Variants in ACTR3 observed in about 807,000 individuals in gnomAD.
ACTR3 encodes actin related protein 3, also known as actin-related protein 3.
A neutral mutation model predicts 56.8 loss-of-function variants in ACTR3; 12 were observed. The observed-to-expected ratio is 0.21, with a 90% CI of 0.14 to 0.34. The LOEUF (loss-of-function observed/expected upper bound fraction) is 0.34. Ranked by LOEUF, ACTR3 falls within the 10% of genes least tolerant of loss-of-function variation. The pLI, the probability that ACTR3 is intolerant of heterozygous loss-of-function variation, is 1.00. For synonymous variants in ACTR3, 162 were observed against 167.4 expected (o/e 0.97, Z 0.25); for missense variants, 282 against 512.5 (o/e 0.55, Z 4.34).
rs576426053 is a variant in ACTR3 at position 113,916,587 on chromosome 2, C to T, written c.101-297C>T. ...TGGATTTGGTGGGATTACAGTTTTACTGAGAATCAAAGGAGGATTTATATA... is the reference window on the plus strand; with the variant it reads ...TGGATTTGGTGGGATTACAGTTTTATTGAGAATCAAAGGAGGATTTATATA... On this transcript the variant is annotated intron_variant, in intron 2 of 11. Coordinates refer to ENST00000263238, the MANE Select transcript of ACTR3 (RefSeq NM_005721.5). 7.2e-5 allele frequency among the ~76,000 whole-genome samples: 11 copies of T among 152,098 alleles called. No homozygotes were observed. The South Asian group carries it at 1.5e-3, about 20-fold the overall frequency.
chr2:113,940,748 C>T (rs1480742801), intron 7 of ACTR3, among the ~76,000 whole-genome samples: 1 of 145,288 alleles, frequency 6.9e-6, no homozygotes, highest in Non-Finnish European at 1.5e-5. Context: ...ACTTACTTGT[C>T]TCTGTTTCCA....
At chr2:113,909,649 T>G (rs1490217306) in intron 1 of ACTR3, among the ~76,000 whole-genome samples, 2 of 149,234 alleles carry the variant, frequency 1.3e-5, no homozygotes, top group East Asian at 3.9e-4. Context: ...GGGTGCAGTG[T>G]GAGCGTAGAT....
chr2:113,942,555 T>G (rs1017654150), intron 8 of ACTR3, among the ~76,000 whole-genome samples, 196 bp downstream of exon 8: 1 of 152,154 alleles, frequency 6.6e-6, no homozygotes, highest in African/African-American at 2.4e-5. Flanking sequence ...TTGTTGCTAT[T>G]TTTTGCAGAT....
At chr2:113,902,879 A>T (rs1469903168) in intron 1 of ACTR3, among the ~76,000 whole-genome samples, 5 of 152,162 alleles carry the variant, frequency 3.3e-5, no homozygotes, top group Non-Finnish European at 4.4e-5. Flanking sequence ...GATTACAGGG[A>T]TGAGCCACTG....
In ACTR3 at chr2:113,962,484, A is replaced by T. The variant is rs1395717746; in HGVS notation, c.*5029A>T. 6.6e-6 allele frequency: 1 copy of T among 152,006 alleles called. No individual in the cohort carries two copies. The highest frequency in any genetic ancestry group is 6.6e-5 in the Admixed American group (1 of 15,236). 9.4% of individuals were successfully genotyped at this position (152,006 alleles called of 1,614,324 possible). On this transcript the variant is annotated 3_prime_UTR_variant, in exon 12 of 12. Coordinates refer to ENST00000263238, the MANE Select transcript of ACTR3 (RefSeq NM_005721.5). ...TTAATTCTAAACTTCCTCCATTTTTAATTAATAAGATTCAAGGTTGCAGTA... is the reference window on the plus strand; with the variant it reads ...TTAATTCTAAACTTCCTCCATTTTTTATTAATAAGATTCAAGGTTGCAGTA...
chr2:113,890,646 G>A, intron 1 of ACTR3: 1 of 1,252,826 alleles, frequency 8.0e-7, no homozygotes. Flanking sequence ...GGTCGTCTTG[G>A]GGGTGGTCCC....
rs551545424 is a variant in ACTR3 at position 113,915,342 on chromosome 2, C to T, written c.101-1542C>T. Among the ~76,000 whole-genome samples, 8 of 152,182 alleles carry T rather than the reference C, an allele frequency of 5.3e-5. No individual in the cohort carries two copies. In the East Asian group the frequency reaches 5.8e-4, roughly 11 times the overall value. On this transcript the variant is annotated intron_variant, in intron 2 of 11. Transcript: ENST00000263238. ...GTCACATGGCTGTCTTCTTAATGTG[C>T]GTCTTTACATCATCATCCTTCTGTA...
chr2:113,923,318 ATTTGTTTGTTTGTTTGTTTG>A (rs139721258), intron 3 of ACTR3, among the ~76,000 whole-genome samples: 1 of 54,644 alleles, frequency 1.8e-5, no homozygotes, highest in African/African-American at 3.7e-5. Context: ...AACATGGAAT[ATTTGTTTGTTTGTTTGTTTG>A]TTTGTTTGTT....
At chr2:113,920,215 G>A (rs1037771674) in intron 3 of ACTR3, among the ~76,000 whole-genome samples, 3 of 152,292 alleles carry the variant, frequency 2.0e-5, no homozygotes, top group East Asian at 1.9e-4. Context: ...GAGCCACTGC[G>A]TCCGGCCTTT....
chr2:113,895,105 C>T (rs1243829199), intron 1 of ACTR3, among the ~76,000 whole-genome samples: 1 of 126,002 alleles, frequency 7.9e-6, no homozygotes, highest in Non-Finnish European at 1.6e-5. Context: ...TAGACTATTT[C>T]CTTGTTACTT....
intron 5 of ACTR3, among the ~76,000 whole-genome samples, chr2:113,932,748 T>A (rs1366613447): frequency 1.3e-5 from 2 of 152,190 alleles, no homozygotes; most frequent in Non-Finnish European, 2.9e-5. Flanking sequence ...CATAATGAAG[T>A]CTAAACAGTA....
chr2:113,944,651 A>G (rs1008478723), intron 8 of ACTR3, among the ~76,000 whole-genome samples: 7 of 149,916 alleles, frequency 4.7e-5, no homozygotes, highest in Non-Finnish European at 5.9e-5. Flanking sequence ...AGTCCCAGCT[A>G]CTCGCGAGGC....
chr2:113,903,740 C>G (rs765992228), intron 1 of ACTR3, among the ~76,000 whole-genome samples: 1 of 152,080 alleles, frequency 6.6e-6, no homozygotes, highest in Non-Finnish European at 1.5e-5. Flanking sequence ...GTGATCTACC[C>G]ACTTCGGCCT....
rs573149760 is a variant in ACTR3 at position 113,913,288 on chromosome 2, T to G, written c.100+61T>G. ...TAAAAGATCCCCTTCCCTAATAATT[T>G]AAGTAAAAGAAGTAATCAGTTCTGA... On this transcript the variant is annotated intron_variant, in intron 2 of 11. Transcript: ENST00000263238. The G allele has an allele frequency of 4.0e-6, 5 of 1,249,266 alleles. No homozygotes were observed. In the East Asian group the frequency reaches 1.0e-4, roughly 25 times the overall value. 77.4% of individuals were successfully genotyped at this position (1,249,266 alleles called of 1,614,324 possible). A position where few individuals can be genotyped will look rare whatever the true frequency, so the allele number is the denominator to read the frequency against.
chr2:113,896,297 A>G (rs1679006785), intron 1 of ACTR3, among the ~76,000 whole-genome samples: 1 of 152,166 alleles, frequency 6.6e-6, no homozygotes, highest in African/African-American at 2.4e-5. Flanking sequence ...GTTCTTAAAG[A>G]AAGGAATACA....
intron 1 of ACTR3, among the ~76,000 whole-genome samples, chr2:113,895,078 G>A (rs1466065407): frequency 2.7e-5 from 1 of 37,226 alleles, no homozygotes; most frequent in African/African-American, 1.6e-4. Context: ...CCACCCCCCT[G>A]CCGATATGTG....
At chr2:113,898,753 A>G (rs973780049) in intron 1 of ACTR3, among the ~76,000 whole-genome samples, 2 of 152,180 alleles carry the variant, frequency 1.3e-5, no homozygotes, top group Admixed American at 1.3e-4. Flanking sequence ...AGAGATTTAT[A>G]TCTTTGGATT....
intron 3 of ACTR3, among the ~76,000 whole-genome samples, chr2:113,917,785 A>G (rs922249409): frequency 3.3e-5 from 5 of 152,234 alleles, no homozygotes; most frequent in Admixed American, 6.5e-5. Flanking sequence ...CTGCAAGGCT[A>G]TTATAATGTG....
intron 1 of ACTR3, among the ~76,000 whole-genome samples, chr2:113,900,376 C>G (rs1679078708): frequency 6.6e-6 from 1 of 152,214 alleles, no homozygotes; most frequent in South Asian, 2.1e-4. Flanking sequence ...TAAATGGAAT[C>G]ATACAATTTG....
Sources: allele counts gnomAD v4.1 joint callset (sites outside exome capture counted in the v4.1 genomes callset), GRCh38; gene constraint gnomAD v4.1.1; transcripts MANE v1.5; gene names NCBI Gene and HGNC (gene_info 2026-07-23, HGNC 2026-07-21).